Variants in EXOC5 observed in about 807,000 individuals in gnomAD.
EXOC5 encodes the protein SEC10-like 1.
Under a neutral mutation model 90.8 loss-of-function variants are expected in EXOC5, and 17 were observed. That is an observed-to-expected ratio of 0.19 (90% CI 0.13 to 0.28). The LOEUF (loss-of-function observed/expected upper bound fraction) is 0.28. EXOC5 is among the 10% of genes least tolerant of loss of function. The pLI, the probability that EXOC5 is intolerant of heterozygous loss-of-function variation, is 1.00. For synonymous variants in EXOC5, 260 were observed against 270.0 expected, an observed-to-expected ratio of 0.96 and a Z score of 0.36; for missense variants, 569 against 830.6, an observed-to-expected ratio of 0.69 and a Z score of 3.87.
intron 1 of EXOC5, among the ~76,000 whole-genome samples, chr14:57,248,734 T>A (rs1025464381): frequency 1.3e-5 from 2 of 152,134 alleles, no homozygotes; most frequent in African/African-American, 4.8e-5. Context: ...TTTGAACTTT[T>A]ATATCTGCAA....
intron 1 of EXOC5, among the ~76,000 whole-genome samples, chr14:57,263,151 G>A (rs1438638330): frequency 6.6e-6 from 1 of 152,074 alleles, no homozygotes. Context: ...CAGCCCTCTT[G>A]CATGAGGTAT....
Position 57,232,710 on chromosome 14 carries a change from C to T in EXOC5, c.895G>A (p.Asp299Asn), listed in dbSNP as rs74498448. Residue 299 changes from aspartate to asparagine, a missense_variant, in exon 10 of 18, where the codon GAT becomes AAT. This residue lies in a region of EXOC5 where 114 missense variants were observed against 111.2 expected (regional missense o/e 1.03). Transcript: ENST00000621441. ...AGATTTTTGAGATATTGCTCTGCAT[C>T]GGACTTCCTACATTCTTCTAACTGC... is the stretch of plus-strand genomic sequence containing the variant. Reference protein sequence around the residue: ...KEQLEECRKSDAEQYLKNLYD... With the variant: ...KEQLEECRKSNAEQYLKNLYD... 326 of 1,553,382 alleles carry T rather than the reference C, an allele frequency of 2.1e-4. 2 individuals carry two copies. In the East Asian group the frequency reaches 7.2e-3, roughly 34 times the overall value.
chr14:57,264,099 G>A (rs1884598137), intron 1 of EXOC5, among the ~76,000 whole-genome samples: 1 of 152,120 alleles, frequency 6.6e-6, no homozygotes, highest in Non-Finnish European at 1.5e-5. Context: ...TTTAACTCTA[G>A]TACCTGGAAT....
chr14:57,227,105 AAC>A (rs1883330500), intron 12 of EXOC5, among the ~76,000 whole-genome samples: 1 of 152,188 alleles, frequency 6.6e-6, no homozygotes, highest in African/African-American at 2.4e-5. Context: ...CCAAAAATAA[AAC>A]ACACGATTGA....
At chr14:57,217,354 G>C (rs1049292833) in intron 15 of EXOC5, among the ~76,000 whole-genome samples, 1 of 152,094 alleles carries the variant, frequency 6.6e-6, no homozygotes, top group Non-Finnish European at 1.5e-5. Flanking sequence ...TTATGGCAAC[G>C]CAAGTCTATC....
intron 17 of EXOC5, among the ~76,000 whole-genome samples, chr14:57,209,149 G>A (rs1882750447): frequency 6.6e-6 from 1 of 152,006 alleles, no homozygotes; most frequent in Non-Finnish European, 1.5e-5. Context: ...CCTAATGTGT[G>A]ACATATATAA....
At chr14:57,243,807 A>G (rs1883949509) in intron 4 of EXOC5, among the ~76,000 whole-genome samples, 1 of 152,198 alleles carries the variant, frequency 6.6e-6, no homozygotes, top group Non-Finnish European at 1.5e-5. Flanking sequence ...GATTTAGGTC[A>G]GACCACCCCA....
At chr14:57,255,187 C>G (rs183752305) in intron 1 of EXOC5, among the ~76,000 whole-genome samples, 29 of 152,270 alleles carry the variant, frequency 1.9e-4, no homozygotes, top group African/African-American at 7.0e-4. Flanking sequence ...GCTGATCCAG[C>G]TACTGTGAAA....
Position 57,231,893 on chromosome 14 carries a change from A to G in EXOC5, c.939-178T>C, listed in dbSNP as rs1883498902. ...ACTCTACAGGGTTACATATAAATAC[A>G]GTGAAATATTACGAACAACTTTACG... On this transcript the variant is annotated intron_variant, in intron 10 of 17. Coordinates refer to ENST00000621441, the MANE Select transcript of EXOC5 (RefSeq NM_006544.4). The G allele has an allele frequency of 7.8e-6, 4 of 512,198 alleles. No individual in the cohort carries two copies. In the South Asian group the frequency reaches 8.7e-5, roughly 11 times the overall value. 31.7% of individuals were successfully genotyped at this position (512,198 alleles called of 1,614,324 possible). A position where few individuals can be genotyped will look rare whatever the true frequency, so the allele number is the denominator to read the frequency against.
chr14:57,236,287 CTTTT>C (rs746905430), intron 6 of EXOC5, among the ~76,000 whole-genome samples: 3 of 130,446 alleles, frequency 2.3e-5, no homozygotes, highest in Non-Finnish European at 3.3e-5. Context: ...TTTTCATTTT[CTTTT>C]TTTTTTTTTT....
At chr14:57,267,898 T>C (rs1884732358) in intron 1 of EXOC5, among the ~76,000 whole-genome samples, 1 of 152,216 alleles carries the variant, frequency 6.6e-6, no homozygotes. Context: ...ATTATATACA[T>C]GAAACGAAGT....
Position 57,229,365 on chromosome 14 carries a change from T to G in EXOC5, c.1296+369A>C, listed in dbSNP as rs1389500136. 2.0e-5 allele frequency among the ~76,000 whole-genome samples: 3 copies of G among 152,168 alleles called. No individual in the cohort carries two copies. In the East Asian group the frequency reaches 5.8e-4, roughly 29 times the overall value. On this transcript the variant is annotated intron_variant, in intron 12 of 17. Coordinates refer to ENST00000621441, the MANE Select transcript of EXOC5 (RefSeq NM_006544.4). Reference sequence around the variant, plus strand: ...CAGTTCTCTCTAACTGTAAGTTCTGTATCTGTGGGTTCTGCATCAGCAGAT... The same window carrying G: ...CAGTTCTCTCTAACTGTAAGTTCTGGATCTGTGGGTTCTGCATCAGCAGAT...
chr14:57,231,743 ATT>A, intron 10 of EXOC5, 28 bp from the exon 11 acceptor site: 1 of 1,416,830 alleles, frequency 7.1e-7, no homozygotes, highest in Non-Finnish European at 9.8e-7. Flanking sequence ...GGAGAAAAAG[ATT>A]AATATACATT....
intron 6 of EXOC5, 129 bp from the exon 7 acceptor site, chr14:57,235,949 G>A: frequency 1.6e-6 from 1 of 611,946 alleles, no homozygotes; most frequent in Non-Finnish European, 2.9e-6. Flanking sequence ...AAAAACAAAT[G>A]AGATTATAGG....
At chr14:57,242,401 C>T (rs559658975) in intron 4 of EXOC5, among the ~76,000 whole-genome samples, 42 of 138,576 alleles carry the variant, frequency 3.0e-4, no homozygotes, top group Non-Finnish European at 4.9e-4. Flanking sequence ...TGTGCCACAA[C>T]GGTCAGCTAA....
At position 57,222,361 on chromosome 14, in the gene EXOC5, A is replaced by G. The variant is rs1037558772; in HGVS notation, c.1352T>C (p.Val451Ala). The change falls in exon 13 of 18, where the codon GTG becomes GCG. Residue 451 changes from valine (V) to alanine (A), a missense_variant. This residue lies in a region of EXOC5 where 56 missense variants were observed against 51.1 expected (regional missense o/e 1.10). Coordinates refer to ENST00000621441, the MANE Select transcript of EXOC5 (RefSeq NM_006544.4). The stretch of plus-strand genomic sequence containing the variant: ...AATATGCTCAATACATAAAAATTCC[A>G]CAAGAATGGTAAAAATTCTGAAGGC... ...RNAFRIFTILVEFLCIEHIDY... is the reference protein window; with the variant it reads ...RNAFRIFTILAEFLCIEHIDY... 1.9e-6 allele frequency: 3 copies of G among 1,603,726 alleles called. No homozygotes were observed. In the African/African-American group the frequency reaches 4.0e-5, roughly 21 times the overall value.
At chr14:57,234,163 C>T in intron 7 of EXOC5, 131 bp from the exon 8 acceptor site, 1 of 629,314 alleles carries the variant, frequency 1.6e-6, no homozygotes, top group Non-Finnish European at 2.7e-6. Context: ...ACCTGTTGGA[C>T]TTAAATAAAA....
intron 1 of EXOC5, among the ~76,000 whole-genome samples, chr14:57,257,376 C>T (rs1231469295): frequency 6.6e-6 from 1 of 152,134 alleles, no homozygotes; most frequent in African/African-American, 2.4e-5. Context: ...GATGGAAAAA[C>T]AAATTTTTAC....
intron 2 of EXOC5, among the ~76,000 whole-genome samples, chr14:57,247,191 G>C (rs1436972221): frequency 6.6e-6 from 1 of 151,932 alleles, no homozygotes; most frequent in African/African-American, 2.4e-5. Context: ...TAAACCCCTA[G>C]AATAGAAATA....
Sources: gnomAD v4.1 joint callset for allele counts (sites outside exome capture counted in the v4.1 genomes callset) on GRCh38, gnomAD v4.1.1 for gene constraint, gnomAD v4.1.1 regional missense constraint, MANE v1.5 for transcripts, NCBI Gene and HGNC (gene_info 2026-07-23, HGNC 2026-07-21) for gene names.